Variants in LUZP1 observed in about 807,000 individuals in gnomAD.
LUZP1 encodes filamin mechanobinding actin cross-linking protein.
LUZP1 carries 25 observed loss-of-function variants against 71.3 expected under a neutral mutation model. The observed-to-expected ratio is 0.35, with a 90% CI of 0.26 to 0.49. The LOEUF (loss-of-function observed/expected upper bound fraction) is 0.49, where lower values mean the gene tolerates loss of function less well. LUZP1 is among the 20% of genes least tolerant of loss of function. LUZP1 has a pLI of 0.99. For synonymous variants in LUZP1, 481 were observed against 506.4 expected (o/e 0.95, Z 0.67); for missense variants, 1,142 against 1,300.8 (o/e 0.88, Z 1.88).
exon 4 of LUZP1, chr1:23,092,787 G>A: frequency 1.2e-6 from 2 of 1,613,614 alleles, no homozygotes; most frequent in African/African-American, 1.3e-5. Context: ...GCCTGGCTTG[G>A]AAGTCCCCTT....
At chr1:23,086,482 A>AT (rs747891315) in exon 5 of LUZP1, 4 of 152,654 alleles carry the variant, frequency 2.6e-5, no homozygotes, top group African/African-American at 9.6e-5. Context: ...ATGTGGAAAG[A>AT]TCCAGACTTT....
chr1:23,120,741 G>A (rs945561543), intron 2 of LUZP1, among the ~76,000 whole-genome samples: 1 of 152,078 alleles, frequency 6.6e-6, no homozygotes, highest in African/African-American at 2.4e-5. Context: ...GACCCCATAA[G>A]GATATTATCA....
Position 23,089,057 on chromosome 1 carries a change from T to C in LUZP1, c.3073-4A>G. The C allele has an allele frequency of 6.2e-7, 1 of 1,613,272 alleles. No individual in the cohort carries two copies. ...TACAGTCTTCCCCTTCTTCCTCCTG[T>C]GCCAATAAATAACAAAAGTGAGCTG... On this transcript the variant is annotated splice_region_variant and splice_polypyrimidine_tract_variant and intron_variant, in intron 4 of 4. Coordinates refer to ENST00000302291, the Ensembl canonical transcript of LUZP1.
intron 2 of LUZP1, among the ~76,000 whole-genome samples, chr1:23,119,251 CTTTTTTTTTTTTT>C (rs35522356): frequency 1.3e-4 from 9 of 70,024 alleles, no homozygotes; most frequent in African/African-American, 5.5e-4. Context: ...GTGACTAGCT[CTTTTTTTTTTTTT>C]TTTTTTTTTT....
intron 2 of LUZP1, among the ~76,000 whole-genome samples, chr1:23,137,746 T>C (rs559619526): frequency 1.3e-5 from 2 of 152,268 alleles, no homozygotes; most frequent in African/African-American, 4.8e-5. Context: ...GGAACCCTCA[T>C]AGATTGCTAT....
chr1:23,100,078 C>G (rs1643919068), intron 3 of LUZP1, among the ~76,000 whole-genome samples: 2 of 152,194 alleles, frequency 1.3e-5, no homozygotes, highest in Admixed American at 1.3e-4. Context: ...CAGTCTGCTA[C>G]ATATTTCCCA....
At chr1:23,106,758 G>A (rs533928978) in intron 3 of LUZP1, among the ~76,000 whole-genome samples, 5 of 152,218 alleles carry the variant, frequency 3.3e-5, no homozygotes, top group Non-Finnish European at 7.4e-5. Flanking sequence ...TCCCTGCCCT[G>A]GACTACTGAT....
chr1:23,088,155 T>C (rs1305185976), exon 5 of LUZP1: 1 of 152,758 alleles, frequency 6.5e-6, no homozygotes, highest in Non-Finnish European at 1.5e-5. Flanking sequence ...GGAAAGGAGA[T>C]GCATGAGGCT....
At chr1:23,095,826 C>A (rs532701095) in intron 3 of LUZP1, among the ~76,000 whole-genome samples, 2 of 152,240 alleles carry the variant, frequency 1.3e-5, no homozygotes, top group South Asian at 4.1e-4. Flanking sequence ...GGTCTAGAAC[C>A]TATCTGTCCT....
chr1:23,118,157 T>C (rs1447730802), intron 2 of LUZP1, among the ~76,000 whole-genome samples: 1 of 151,678 alleles, frequency 6.6e-6, no homozygotes, highest in Non-Finnish European at 1.5e-5. Context: ...ATCCCAGCAC[T>C]GTGGGAGGCC....
At chr1:23,087,451 G>A (rs551553676) in exon 5 of LUZP1, 1 of 152,480 alleles carries the variant, frequency 6.6e-6, no homozygotes, top group Non-Finnish European at 1.5e-5. Flanking sequence ...TCATTTTACA[G>A]ACAGGGAAAC....
At chr1:23,172,573 G>A (rs748358652) in intron 1 of LUZP1, among the ~76,000 whole-genome samples, 4 of 151,146 alleles carry the variant, frequency 2.6e-5, no homozygotes, top group Non-Finnish European at 4.4e-5. Context: ...GGAGTGCAGT[G>A]GCACGATCTG....
chr1:23,104,809 C>T (rs1279611596), intron 3 of LUZP1, among the ~76,000 whole-genome samples: 14 of 152,132 alleles, frequency 9.2e-5, no homozygotes. Flanking sequence ...GCACTACATT[C>T]TAGGAAAGAT....
chr1:23,133,545 T>A (rs1644230872), intron 2 of LUZP1: 1 of 152,120 alleles, frequency 6.6e-6, no homozygotes, highest in African/African-American at 2.4e-5. Context: ...AGTGGATGAC[T>A]TGAAGTCAGG....
At chr1:23,131,982 G>A (rs558403734) in intron 2 of LUZP1, among the ~76,000 whole-genome samples, 6 of 152,060 alleles carry the variant, frequency 3.9e-5, no homozygotes, top group African/African-American at 1.4e-4. Flanking sequence ...CACTGCGCCC[G>A]GCCCACACCT....
chr1:23,162,553 C>T (rs2148208109), intron 2 of LUZP1, among the ~76,000 whole-genome samples: 1 of 152,136 alleles, frequency 6.6e-6, no homozygotes, highest in East Asian at 1.9e-4. Flanking sequence ...ATTCTCCTGC[C>T]TCAGCCTCCC....
chr1:23,160,592 G>A (rs1221508354), intron 2 of LUZP1, among the ~76,000 whole-genome samples: 1 of 152,032 alleles, frequency 6.6e-6, no homozygotes, highest in South Asian at 2.1e-4. Context: ...ATACTAAGCA[G>A]GATTCTAATA....
chr1:23,126,672 A>C (rs1342653630), intron 2 of LUZP1, among the ~76,000 whole-genome samples: 6 of 152,200 alleles, frequency 3.9e-5, no homozygotes, highest in Admixed American at 3.3e-4. Flanking sequence ...TTAGAAAACA[A>C]AATAAGTTCT....
chr1:23,089,121 G>T, intron 4 of LUZP1, 68 bp from the exon 4 acceptor site: 1 of 1,486,652 alleles, frequency 6.7e-7, no homozygotes, highest in Non-Finnish European at 9.3e-7. Flanking sequence ...ACCCTCACCT[G>T]CTACCATAGT....
Sources: allele counts gnomAD v4.1 joint callset (sites outside exome capture counted in the v4.1 genomes callset), GRCh38; gene constraint gnomAD v4.1.1; transcripts MANE v1.5; gene names NCBI Gene and HGNC (gene_info 2026-07-23, HGNC 2026-07-21).